The following DLG2 variants were observed in gnomAD, a reference collection of about 807,000 sequenced individuals.
DLG2 encodes the protein disks large homolog 2.
Under a neutral mutation model 132.5 loss-of-function variants are expected in DLG2, and 45 were observed. That is an observed-to-expected ratio of 0.34 (90% CI 0.27 to 0.44). The LOEUF (loss-of-function observed/expected upper bound fraction) is 0.44, where lower values mean the gene tolerates loss of function less well. Ranked by LOEUF, DLG2 falls within the 20% of genes least tolerant of loss-of-function variation. The probability of loss-of-function intolerance (pLI) is 1.00; values close to 1 mark genes in which losing one functional copy is unlikely to be tolerated. For synonymous variants in DLG2, 424 were observed against 419.6 expected, an observed-to-expected ratio of 1.01 and a Z score of -0.13; for missense variants, 1,045 against 1,196.9, an observed-to-expected ratio of 0.87 and a Z score of 1.87.
chr11:84,541,813 C>G (rs893314448), intron 6 of DLG2, among the ~76,000 whole-genome samples: 5 of 152,162 alleles, frequency 3.3e-5, no homozygotes, highest in African/African-American at 4.8e-5. Flanking sequence ...CACAGTCCCC[C>G]CTACACAGAC....
At chr11:84,409,184 A>G (rs938627391) in intron 7 of DLG2, among the ~76,000 whole-genome samples, 1 of 152,122 alleles carries the variant, frequency 6.6e-6, no homozygotes, top group Non-Finnish European at 1.5e-5. Flanking sequence ...GTGCTTCTCT[A>G]TTCTGCTCTG....
chr11:84,334,855 C>T (rs77380278), intron 7 of DLG2, among the ~76,000 whole-genome samples: 2,228 of 152,024 alleles, frequency 0.015, 58 homozygotes, highest in African/African-American at 0.051. Flanking sequence ...GGATGGGTTC[C>T]TTGAGAAAGT....
intron 14 of DLG2, among the ~76,000 whole-genome samples, chr11:83,932,152 G>T (rs1372354349): frequency 7.9e-6 from 1 of 125,906 alleles, no homozygotes. Context: ...TACTGACAAG[G>T]TTCTCTTGCA....
At chr11:84,603,814 G>T (rs564683704) in intron 6 of DLG2, among the ~76,000 whole-genome samples, 1 of 152,050 alleles carries the variant, frequency 6.6e-6, no homozygotes, top group East Asian at 1.9e-4. Context: ...TAGGTATTGT[G>T]GGTACTCTGA....
At chr11:84,380,850 A>G (rs1321802067) in intron 7 of DLG2, among the ~76,000 whole-genome samples, 1 of 152,046 alleles carries the variant, frequency 6.6e-6, no homozygotes, top group African/African-American at 2.4e-5. Context: ...TACCAGGAAC[A>G]TCATTTTGCA....
rs1436512824 is a variant in DLG2, at chr11:84,384,319, G to A, written c.520-133028C>T. The stretch of plus-strand genomic sequence containing the variant: ...ACTTGGTGCTGAACTAATAAATATG[G>A]AAAATGCAACTTTAAAAGACTCTTA... On this transcript the variant is annotated intron_variant, in intron 7 of 27. Transcript: ENST00000376104. 2.0e-5 allele frequency among the ~76,000 whole-genome samples: 3 copies of A among 151,836 alleles called. No homozygotes were observed. In the South Asian group the frequency reaches 6.2e-4, roughly 32 times the overall value.
chr11:83,482,066 GC>G (rs1458717990), intron 22 of DLG2, among the ~76,000 whole-genome samples: 1 of 151,818 alleles, frequency 6.6e-6, no homozygotes, highest in Non-Finnish European at 1.5e-5. Flanking sequence ...TTAAACTTCA[GC>G]CACTAATTCA....
At chr11:83,613,631 A>C (rs2060413637) in intron 19 of DLG2, among the ~76,000 whole-genome samples, 1 of 152,220 alleles carries the variant, frequency 6.6e-6, no homozygotes, top group Non-Finnish European at 1.5e-5. Context: ...TAAAATTGAA[A>C]GTCATTTTAG....
chr11:83,927,633 C>T (rs1258034409), intron 15 of DLG2, among the ~76,000 whole-genome samples: 5 of 152,096 alleles, frequency 3.3e-5, no homozygotes, highest in Non-Finnish European at 7.4e-5. Context: ...TCATGCAGAG[C>T]CTGGATGCTA....
chr11:84,284,932 C>T (rs908801154), intron 7 of DLG2, among the ~76,000 whole-genome samples: 7 of 152,102 alleles, frequency 4.6e-5, no homozygotes, highest in Admixed American at 6.6e-5. Context: ...AATAGGTGGA[C>T]GTAGAAAATG....
rs537472910 is a variant in DLG2 at position 85,546,344 on chromosome 11, G to A, written c.40+52313C>T. On this transcript the variant is annotated intron_variant, in intron 3 of 27. Coordinates refer to ENST00000376104, the MANE Select transcript of DLG2 (RefSeq NM_001142699.3). ...TCCTGAGTTCTAATTTGATTGCACT[G>A]TGGTCTGAGAGACTGTTTGTTATGA... Among the ~76,000 whole-genome samples the A allele has an allele frequency of 2.6e-4, 39 of 152,292 alleles. No individual in the cohort carries two copies. In the East Asian group the frequency reaches 7.5e-3, roughly 29 times the overall value.
At chr11:85,338,723 T>A (rs1228788427) in intron 3 of DLG2, among the ~76,000 whole-genome samples, 1 of 94,984 alleles carries the variant, frequency 1.1e-5, no homozygotes, top group East Asian at 2.8e-4. Flanking sequence ...TTTTTTTTTT[T>A]GAGACGGAGT....
Position 84,534,660 on chromosome 11 carries a change from G to A in DLG2, c.429C>T (p.Gly143=). ...SLPRLTHEVR[G]PELVHVSEKN... ...TTTCTGATACATGCACGAGTTCTGGGCCTCTTACTTCGTGGGTTAGTCGAG... is the reference window on the plus strand; with the variant it reads ...TTTCTGATACATGCACGAGTTCTGGACCTCTTACTTCGTGGGTTAGTCGAG... Residue 143 remains glycine, a synonymous_variant, in exon 7 of 28, where the codon GGC becomes GGT. Transcript: ENST00000376104. The A allele has an allele frequency of 6.2e-7, 1 of 1,613,982 alleles. No individual in the cohort carries two copies. The highest frequency in any genetic ancestry group is 2.2e-5 in the East Asian group (1 of 44,882).
At chr11:85,620,765 C>G (rs1341070269) in intron 2 of DLG2, among the ~76,000 whole-genome samples, 2 of 152,188 alleles carry the variant, frequency 1.3e-5, no homozygotes, top group African/African-American at 4.8e-5. Flanking sequence ...TGGAAGCCAG[C>G]AAAGGTTGGT....
At chr11:83,918,769 G>A (rs1450124616) in intron 15 of DLG2, among the ~76,000 whole-genome samples, 1 of 152,128 alleles carries the variant, frequency 6.6e-6, no homozygotes, top group African/African-American at 2.4e-5. Context: ...AAAGGGCAGA[G>A]TGGGGATCTC....
chr11:85,569,306 A>G (rs1227614212), intron 3 of DLG2, among the ~76,000 whole-genome samples: 1 of 152,214 alleles, frequency 6.6e-6, no homozygotes, highest in Non-Finnish European at 1.5e-5. Flanking sequence ...TGCTGGGATT[A>G]CAGGCATGAG....
At chr11:85,565,341 G>C (rs917696336) in intron 3 of DLG2, among the ~76,000 whole-genome samples, 1 of 152,006 alleles carries the variant, frequency 6.6e-6, no homozygotes, top group African/African-American at 2.4e-5. Flanking sequence ...TGTGGGTAGA[G>C]GGGTTGAGAC....
intron 7 of DLG2, among the ~76,000 whole-genome samples, chr11:84,292,610 C>T (rs988735246): frequency 7.9e-5 from 12 of 152,256 alleles, no homozygotes; most frequent in South Asian, 2.1e-4. Context: ...TTTTTATAAG[C>T]TATCAGAATC....
chr11:83,467,862 T>TAA (rs2091424752), intron 25 of DLG2, among the ~76,000 whole-genome samples: 1 of 110,254 alleles, frequency 9.1e-6, no homozygotes, highest in South Asian at 2.9e-4. Context: ...TATATATATA[T>TAA]AAATTAAATG....
Sources: allele counts gnomAD v4.1 joint callset (sites outside exome capture counted in the v4.1 genomes callset), GRCh38; gene constraint gnomAD v4.1.1; transcripts MANE v1.5; gene names NCBI Gene and HGNC (gene_info 2026-07-23, HGNC 2026-07-21).